CNTNAP2: variants seen among roughly 807,000 people sequenced by gnomAD.
CNTNAP2 encodes contactin associated protein 2.
A neutral mutation model predicts 155.2 loss-of-function variants in CNTNAP2; 98 were observed. The ratio of observed to expected loss-of-function variants is 0.63; its 90% CI spans 0.54 to 0.75. The LOEUF is 0.75. CNTNAP2 is among the 30% of genes least tolerant of loss of function. The pLI is 0.00. For missense variants in CNTNAP2, 1,727 were observed against 1,688.1 expected (o/e 1.02, Z -0.40); for synonymous variants, 651 against 631.2 (o/e 1.03, Z -0.47).
chr7:147,755,469 A>G (rs1048041326), intron 13 of CNTNAP2, among the ~76,000 whole-genome samples: 1 of 152,138 alleles, frequency 6.6e-6, no homozygotes, highest in Non-Finnish European at 1.5e-5. Flanking sequence ...AACCTGCTCA[A>G]TATGGAAAAC....
intron 21 of CNTNAP2, among the ~76,000 whole-genome samples, chr7:148,366,413 C>T (rs1354944581): frequency 6.6e-6 from 1 of 151,916 alleles, no homozygotes; most frequent in Non-Finnish European, 1.5e-5. Context: ...ACTATTGAAT[C>T]CTCACCACCT....
chr7:146,529,762 T>C lies in CNTNAP2; in HGVS notation c.98-244509T>C, dbSNP rs937875022. Among the ~76,000 whole-genome samples, 26 of 151,858 alleles carry C rather than the reference T, an allele frequency of 1.7e-4. 1 individual carries two copies. Among genetic ancestry groups the C allele is most frequent in the South Asian group, 1.5e-3 (7 of 4,792 alleles). ...CGGGCAGTTCACGAGATCAAGAGATTGAGACCATCCTGGCCAACATGGTGA... is the reference window on the plus strand; with the variant it reads ...CGGGCAGTTCACGAGATCAAGAGATCGAGACCATCCTGGCCAACATGGTGA... On this transcript the variant is annotated intron_variant, in intron 1 of 23. Coordinates refer to ENST00000361727, the MANE Select transcript of CNTNAP2 (RefSeq NM_014141.6).
intron 5 of CNTNAP2, among the ~76,000 whole-genome samples, 154 bp from the exon 6 acceptor site, chr7:147,120,825 A>G (rs1281107989): frequency 2.0e-5 from 3 of 152,006 alleles, no homozygotes; most frequent in Admixed American, 6.6e-5. Context: ...AAGTATTTTT[A>G]AGTGTCGTTA....
chr7:147,000,161 A>G (rs1295403646), intron 3 of CNTNAP2, among the ~76,000 whole-genome samples: 1 of 151,850 alleles, frequency 6.6e-6, no homozygotes, highest in Non-Finnish European at 1.5e-5. Flanking sequence ...GATACTCTCT[A>G]TAGATTTTTA....
At chr7:147,157,627 C>A (rs533972203) in intron 8 of CNTNAP2, among the ~76,000 whole-genome samples, 7 of 152,152 alleles carry the variant, frequency 4.6e-5, no homozygotes, top group African/African-American at 1.7e-4. Context: ...TTCTGTGTTT[C>A]CTTTTTAACT....
intron 9 of CNTNAP2, among the ~76,000 whole-genome samples, chr7:147,327,114 A>G (rs1191958768): frequency 6.7e-6 from 1 of 148,872 alleles, no homozygotes; most frequent in African/African-American, 2.5e-5. Context: ...CAAAGCTGAT[A>G]TGAAGGGGCT....
chr7:148,102,472 G>A (rs772927186), intron 15 of CNTNAP2, among the ~76,000 whole-genome samples: 9 of 152,116 alleles, frequency 5.9e-5, no homozygotes, highest in East Asian at 1.9e-4. Flanking sequence ...AGATTTCTAC[G>A]CCTTTGGATA....
chr7:146,754,955 G>A (rs553697762), intron 1 of CNTNAP2, among the ~76,000 whole-genome samples: 2 of 151,950 alleles, frequency 1.3e-5, no homozygotes, highest in East Asian at 1.9e-4. Context: ...TCAAGTCCAG[G>A]AGAAAACCTG....
chr7:147,020,617 G>C (rs2129246386), intron 3 of CNTNAP2, among the ~76,000 whole-genome samples: 1 of 152,174 alleles, frequency 6.6e-6, no homozygotes, highest in African/African-American at 2.4e-5. Flanking sequence ...ACTCCGTAAG[G>C]CCCAGTTTGA....
chr7:146,157,378 G>C (rs188538845), intron 1 of CNTNAP2, among the ~76,000 whole-genome samples: 1 of 152,084 alleles, frequency 6.6e-6, no homozygotes, highest in African/African-American at 2.4e-5. Flanking sequence ...CTGAAGTACC[G>C]GCTTCATCTC....
intron 13 of CNTNAP2, among the ~76,000 whole-genome samples, chr7:147,850,631 A>T (rs1464113799): frequency 1.3e-5 from 2 of 152,208 alleles, no homozygotes; most frequent in East Asian, 1.9e-4. Flanking sequence ...ATCTACAACC[A>T]TCTGATCTTT....
At chr7:146,701,185 G>C (rs1800871977) in intron 1 of CNTNAP2, among the ~76,000 whole-genome samples, 1 of 152,174 alleles carries the variant, frequency 6.6e-6, no homozygotes. Flanking sequence ...AATTGCACAA[G>C]GCCGATGTTC....
intron 9 of CNTNAP2, among the ~76,000 whole-genome samples, chr7:147,374,304 C>G (rs1001986423): frequency 5.3e-5 from 8 of 151,928 alleles, no homozygotes; most frequent in Admixed American, 1.3e-4. Context: ...TAAATGTCTA[C>G]TTTTCTATTT....
chr7:147,619,001 G>A (rs73744516), intron 12 of CNTNAP2, among the ~76,000 whole-genome samples: 3 of 152,128 alleles, frequency 2.0e-5, no homozygotes, highest in Non-Finnish European at 4.4e-5. Context: ...GACAGGAACA[G>A]GTCTCCAGAG....
At chr7:146,858,829 ATTC>A (rs1181411342) in intron 3 of CNTNAP2, among the ~76,000 whole-genome samples, 5 of 152,214 alleles carry the variant, frequency 3.3e-5, no homozygotes, top group African/African-American at 4.8e-5. Context: ...ATTATTTAAT[ATTC>A]TTCTCCTTTA....
At chr7:147,711,269 A>G (rs901749079) in intron 13 of CNTNAP2, among the ~76,000 whole-genome samples, 1 of 152,198 alleles carries the variant, frequency 6.6e-6, no homozygotes, top group African/African-American at 2.4e-5. Flanking sequence ...GAATTTGAAA[A>G]GAAACCCAAA....
chr7:148,263,782 A>G (rs1422237113), intron 20 of CNTNAP2, among the ~76,000 whole-genome samples: 2 of 152,104 alleles, frequency 1.3e-5, no homozygotes, highest in African/African-American at 4.8e-5. Flanking sequence ...AAATAAATGT[A>G]AAATTTAGCA....
intron 11 of CNTNAP2, among the ~76,000 whole-genome samples, chr7:147,548,497 T>C (rs1799786917): frequency 6.6e-6 from 1 of 152,218 alleles, no homozygotes; most frequent in African/African-American, 2.4e-5. Context: ...TTGTAAATTC[T>C]GGATATTAGA....
intron 1 of CNTNAP2, among the ~76,000 whole-genome samples, chr7:146,276,413 CT>C (rs528023852): frequency 2.0e-5 from 3 of 152,184 alleles, no homozygotes; most frequent in Non-Finnish European, 4.4e-5. Context: ...TCTAACTGTA[CT>C]GCCTGTCATG....
Sources: allele counts gnomAD v4.1 joint callset (sites outside exome capture counted in the v4.1 genomes callset), GRCh38; gene constraint gnomAD v4.1.1; transcripts MANE v1.5; gene names NCBI Gene and HGNC (gene_info 2026-07-23, HGNC 2026-07-21).